Variants in FRMD6 observed in about 807,000 individuals in gnomAD.
FRMD6 encodes FERM domain containing 6.
A neutral mutation model predicts 73.2 loss-of-function variants in FRMD6; 37 were observed. The observed-to-expected ratio is 0.51, with a 90% CI of 0.39 to 0.66. The LOEUF (loss-of-function observed/expected upper bound fraction) is 0.66. Among genes scored for constraint, FRMD6 ranks in the 30% least tolerant of loss-of-function variants. The pLI is 0.00. For synonymous variants in FRMD6, 273 were observed against 282.2 expected, an observed-to-expected ratio of 0.97 and a Z score of 0.33; for missense variants, 714 against 780.5, an observed-to-expected ratio of 0.91 and a Z score of 1.02.
chr14:51,461,962 G>A, the FRMD6 span, among the ~76,000 whole-genome samples: 1 of 152,060 alleles, frequency 6.6e-6, no homozygotes, highest in Admixed American at 6.6e-5. Flanking sequence ...CTCAATAAAT[G>A]TTAGCTGTTC....
chr14:51,717,670 A>G (rs970582518), intron 10 of FRMD6, among the ~76,000 whole-genome samples: 1 of 152,192 alleles, frequency 6.6e-6, no homozygotes, highest in Non-Finnish European at 1.5e-5. Context: ...CTTTGGCCTG[A>G]ATCCAAGATC....
chr14:51,541,377 G>A (rs1886192733), intron 1 of FRMD6, among the ~76,000 whole-genome samples: 1 of 151,990 alleles, frequency 6.6e-6, no homozygotes, highest in African/African-American at 2.4e-5. Context: ...CTAGATTCTG[G>A]GAAAAGGGCA....
At chr14:51,543,825 G>A (rs1311536007) in intron 1 of FRMD6, among the ~76,000 whole-genome samples, 2 of 152,006 alleles carry the variant, frequency 1.3e-5, no homozygotes, top group African/African-American at 2.4e-5. Context: ...ATGTAATTCT[G>A]GCAGCAATGT....
chr14:51,586,505 A>G (rs1449910967), intron 2 of FRMD6, among the ~76,000 whole-genome samples: 1 of 151,992 alleles, frequency 6.6e-6, no homozygotes, highest in Non-Finnish European at 1.5e-5. Flanking sequence ...TAGTTTGCAA[A>G]TATTTTTCCC....
the FRMD6 span, among the ~76,000 whole-genome samples, chr14:51,459,904 T>TTTTTTTTTTTTTTTTTTC: frequency 1.4e-5 from 2 of 146,022 alleles, no homozygotes; most frequent in African/African-American, 5.1e-5. Context: ...TTTTTTTTTT[T>TTTTTTTTTTTTTTTTTTC]ACAAACTTCG....
chr14:51,493,890 C>T (rs1883151548), intron 1 of FRMD6, among the ~76,000 whole-genome samples: 1 of 152,118 alleles, frequency 6.6e-6, no homozygotes, highest in African/African-American at 2.4e-5. Flanking sequence ...AAATTTATTT[C>T]TCACAGTTCT....
the FRMD6 span, among the ~76,000 whole-genome samples, chr14:51,479,514 C>T: frequency 6.6e-6 from 1 of 152,212 alleles, no homozygotes; most frequent in Non-Finnish European, 1.5e-5. Flanking sequence ...AAATGATTAG[C>T]AAACAATCAG....
upstream of FRMD6, among the ~76,000 whole-genome samples, chr14:51,486,315 T>C (rs1267651063): frequency 6.6e-6 from 1 of 152,066 alleles, no homozygotes; most frequent in Admixed American, 6.5e-5. Context: ...ATTACAGGCA[T>C]GATCCACCAT....
chr14:51,586,126 T>C (rs553736500), intron 2 of FRMD6, among the ~76,000 whole-genome samples: 11 of 151,548 alleles, frequency 7.3e-5, no homozygotes, highest in Admixed American at 4.0e-4. Context: ...GTTTAAACGA[T>C]AGGTCTGTTC....
chr14:51,703,360 C>T (rs1210604627), intron 5 of FRMD6, among the ~76,000 whole-genome samples: 1 of 151,918 alleles, frequency 6.6e-6, no homozygotes, highest in Non-Finnish European at 1.5e-5. Flanking sequence ...TGAGAAGTTC[C>T]ATGTGAAAGA....
chr14:51,538,515 G>A (rs1423351371), intron 1 of FRMD6, among the ~76,000 whole-genome samples: 1 of 151,968 alleles, frequency 6.6e-6, no homozygotes, highest in African/African-American at 2.4e-5. Context: ...TCTTCTGAAA[G>A]CTTTATAGTT....
chr14:51,462,279 T>C, the FRMD6 span, among the ~76,000 whole-genome samples: 1 of 152,206 alleles, frequency 6.6e-6, no homozygotes, highest in Non-Finnish European at 1.5e-5. Context: ...CTCTTCTCTT[T>C]TGTAAATGGG....
chr14:51,536,632 G>T (rs528077127), intron 1 of FRMD6, among the ~76,000 whole-genome samples: 1 of 151,594 alleles, frequency 6.6e-6, no homozygotes, highest in East Asian at 2.0e-4. Context: ...GGCCAGGCTG[G>T]TCTCGAACTC....
At chr14:51,716,670 GTC>G (rs753516713) in intron 10 of FRMD6, among the ~76,000 whole-genome samples, 3 of 152,204 alleles carry the variant, frequency 2.0e-5, no homozygotes, top group Non-Finnish European at 2.9e-5. Context: ...ATTCCTCACT[GTC>G]TGCCACAAAC....
rs144787692 is a variant in FRMD6 at position 51,531,335 on chromosome 14, C to T, written c.-209-39013C>T. Among the ~76,000 whole-genome samples, 335 of 152,272 alleles carry T rather than the reference C, an allele frequency of 2.2e-3. 6 individuals are homozygous for T. The highest frequency in any genetic ancestry group is 5.0e-4 in the Non-Finnish European group (34 of 68,024). ...TCTTGCATAAAATGAATAACTTTAA[C>T]ATAATCACGAGAAAATGTCAAACAA... On this transcript the variant is annotated intron_variant, in intron 1 of 14. Coordinates refer to the FRMD6 transcript ENST00000356218.
chr14:51,479,580 G>T, the FRMD6 span, among the ~76,000 whole-genome samples: 1 of 152,134 alleles, frequency 6.6e-6, no homozygotes, highest in Non-Finnish European at 1.5e-5. Flanking sequence ...CTGCAAAACA[G>T]GAATAATAAA....
intron 2 of FRMD6, among the ~76,000 whole-genome samples, chr14:51,589,475 G>A (rs892883428): frequency 6.6e-6 from 1 of 151,974 alleles, no homozygotes; most frequent in African/African-American, 2.4e-5. Flanking sequence ...GATCTGCTTG[G>A]GTTGAAGAAG....
intron 1 of FRMD6, among the ~76,000 whole-genome samples, chr14:51,497,614 T>C (rs1883380410): frequency 6.6e-6 from 1 of 152,222 alleles, no homozygotes; most frequent in South Asian, 2.1e-4. Context: ...GATGAAATTG[T>C]AATATATTAT....
intron 1 of FRMD6, among the ~76,000 whole-genome samples, chr14:51,682,768 C>T (rs1194679611): frequency 6.6e-6 from 1 of 152,176 alleles, no homozygotes; most frequent in African/African-American, 2.4e-5. Context: ...CTCTCTCCTT[C>T]CCAGCGTTTA....
Sources: allele counts gnomAD v4.1 joint callset (sites outside exome capture counted in the v4.1 genomes callset), GRCh38; gene constraint gnomAD v4.1.1; transcripts MANE v1.5; gene names NCBI Gene and HGNC (gene_info 2026-07-23, HGNC 2026-07-21).